Variants in FBXO16 observed in about 807,000 individuals in gnomAD.
FBXO16 encodes the protein F-box only protein 16.
A neutral mutation model predicts 41.0 loss-of-function variants in FBXO16; 31 were observed. That is an observed-to-expected ratio of 0.76 (90% CI 0.57 to 1.02). The LOEUF (loss-of-function observed/expected upper bound fraction) is 1.02. Ranked by LOEUF, FBXO16 falls within the 50% of genes least tolerant of loss-of-function variation. FBXO16 has a pLI of 0.00. For synonymous variants in FBXO16, 133 were observed against 117.8 expected (o/e 1.13, Z -0.84); for missense variants, 361 against 346.2 (o/e 1.04, Z -0.34).
At chr8:28,480,104 T>G (rs1170813557) in intron 2 of FBXO16, among the ~76,000 whole-genome samples, 1 of 152,146 alleles carries the variant, frequency 6.6e-6, no homozygotes, top group Non-Finnish European at 1.5e-5. Context: ...TCTCTCTCCC[T>G]CTTTCTCTGC....
chr8:28,478,845 G>A (rs557616580), intron 2 of FBXO16, among the ~76,000 whole-genome samples: 142 of 141,300 alleles, frequency 1.0e-3, no homozygotes, highest in Non-Finnish European at 1.8e-3. Flanking sequence ...AAAAAAAATT[G>A]TAATCCCCTA....
chr8:28,452,356 T>C lies in FBXO16; in HGVS notation c.628A>G (p.Asn210Asp). The part of the protein sequence containing the change: ...RSSSSLRKKN[N>D]SGEKALPPWR... ...GGTGGAAGTGCTTTCTCCCCTGAGT[T>C]ATTCTTCTTTCTTAAAGAGGAAGAG... Residue 210 changes from asparagine (N) to aspartate (D), a missense_variant, in exon 6 of 9, where the codon AAC (asparagine) becomes GAC (aspartate). Transcript: ENST00000380254. The C allele has an allele frequency of 6.2e-7, 1 of 1,614,242 alleles. No individual in the cohort carries two copies. The highest frequency in any genetic ancestry group is 8.5e-7 in the Non-Finnish European group (1 of 1,180,048).
At chr8:28,489,862 T>G (rs978057712) in intron 1 of FBXO16, among the ~76,000 whole-genome samples, 3 of 152,134 alleles carry the variant, frequency 2.0e-5, no homozygotes, top group African/African-American at 7.2e-5. Flanking sequence ...CATTGTAATA[T>G]CATCAGACAA....
chr8:28,475,608 G>C (rs951024153), intron 2 of FBXO16, among the ~76,000 whole-genome samples: 1 of 152,142 alleles, frequency 6.6e-6, no homozygotes, highest in Non-Finnish European at 1.5e-5. Flanking sequence ...TGATGTCCAG[G>C]GATTTCTCTC....
chr8:28,445,632 TC>T (rs79868098), intron 7 of FBXO16, among the ~76,000 whole-genome samples: 91,021 of 151,986 alleles, frequency 0.6, 27,964 homozygotes, highest in African/African-American at 0.72. Context: ...TGCTCTAAGC[TC>T]CCCCGTTCCC....
At chr8:28,448,340 C>CA (rs56323338) in intron 6 of FBXO16, among the ~76,000 whole-genome samples, 4,053 of 49,926 alleles carry the variant, frequency 0.081, 111 homozygotes, top group African/African-American at 0.15. Context: ...GACCCTAAAT[C>CA]AAAAAAAAAA....
intron 7 of FBXO16, among the ~76,000 whole-genome samples, chr8:28,442,935 C>G (rs563158187): frequency 2.1e-4 from 32 of 152,130 alleles, no homozygotes; most frequent in African/African-American, 7.5e-4. Context: ...TCTGAAGGCT[C>G]TAAGTAATGA....
chr8:28,462,416 C>T (rs1803151133), intron 4 of FBXO16, among the ~76,000 whole-genome samples: 1 of 151,720 alleles, frequency 6.6e-6, no homozygotes, highest in African/African-American at 2.4e-5. Context: ...GTAGCTGGGA[C>T]TACAGGCGCC....
chr8:28,446,440 T>C (rs931768956), intron 7 of FBXO16, among the ~76,000 whole-genome samples: 3 of 151,506 alleles, frequency 2.0e-5, no homozygotes, highest in Admixed American at 6.6e-5. Context: ...CCCAAAGTAC[T>C]GGGATTACAG....
intron 1 of FBXO16, among the ~76,000 whole-genome samples, chr8:28,485,046 A>T (rs1803580898): frequency 1.3e-5 from 2 of 152,228 alleles, no homozygotes; most frequent in Admixed American, 1.3e-4. Flanking sequence ...TCAGGGTTGC[A>T]GGCTTCTGCA....
chr8:28,484,083 C>T (rs968366350), intron 1 of FBXO16, among the ~76,000 whole-genome samples: 3 of 152,118 alleles, frequency 2.0e-5, no homozygotes, highest in African/African-American at 7.2e-5. Flanking sequence ...GTAGTCAGAC[C>T]CAGGTCAGTT....
At chr8:28,440,587 A>G (rs568281907) in intron 7 of FBXO16, among the ~76,000 whole-genome samples, 1 of 152,236 alleles carries the variant, frequency 6.6e-6, no homozygotes, top group African/African-American at 2.4e-5. Flanking sequence ...TGAGTGAAGG[A>G]AAAAAGGTGA....
chr8:28,483,057 G>C (rs900168470), intron 2 of FBXO16, among the ~76,000 whole-genome samples: 4 of 152,140 alleles, frequency 2.6e-5, no homozygotes, highest in African/African-American at 9.7e-5. Context: ...TGGTTCCAGG[G>C]GAGAACAAGT....
chr8:28,447,130 A>G (rs1470864766), intron 7 of FBXO16, 41 bp downstream of exon 7: 4 of 1,529,578 alleles, frequency 2.6e-6, no homozygotes, highest in East Asian at 2.3e-5. Flanking sequence ...GGAGATTTTC[A>G]TTAATGTTAT....
chr8:28,473,775 T>A lies in FBXO16; in HGVS notation c.132A>T (p.Lys44Asn). The A allele has an allele frequency of 6.2e-7, 1 of 1,602,500 alleles. No individual in the cohort carries two copies. Among genetic ancestry groups the A allele is most frequent in the Non-Finnish European group, 8.5e-7 (1 of 1,172,360 alleles). Reference protein sequence around the residue: ...VFEERRALLGKWFDKWTDSQR... With the variant: ...VFEERRALLGNWFDKWTDSQR... ...AATAGTATTTTTAAATGTTTACCCA[T>A]TTGCCAAGCAGGGCTCTTCTTTCTT... Residue 44 changes from lysine to asparagine, a missense_variant, in exon 3 of 9, where the codon AAA (lysine) becomes AAT (asparagine). Coordinates refer to ENST00000380254, the MANE Select transcript of FBXO16 (RefSeq NM_172366.4).
At chr8:28,436,337 G>T (rs1057208109) in intron 7 of FBXO16, among the ~76,000 whole-genome samples, 5 of 152,186 alleles carry the variant, frequency 3.3e-5, no homozygotes, top group African/African-American at 1.2e-4. Context: ...TTTGGCCAAC[G>T]CCTATGAGCA....
intron 3 of FBXO16, among the ~76,000 whole-genome samples, chr8:28,469,005 T>A (rs1803288353): frequency 6.6e-6 from 1 of 151,928 alleles, no homozygotes; most frequent in South Asian, 2.1e-4. Flanking sequence ...TTTTTCTAAT[T>A]AAAAAAAAAT....
intron 7 of FBXO16, among the ~76,000 whole-genome samples, chr8:28,445,159 A>G (rs914830605): frequency 4.6e-5 from 7 of 152,194 alleles, no homozygotes; most frequent in African/African-American, 1.7e-4. Context: ...AATAGTGATT[A>G]TAATTAGTAT....
chr8:28,436,830 C>T (rs192507215), intron 7 of FBXO16, among the ~76,000 whole-genome samples: 1 of 152,316 alleles, frequency 6.6e-6, no homozygotes, highest in Admixed American at 6.5e-5. Context: ...TAGCTCACTG[C>T]AGCCTCGACC....
Sources: allele counts gnomAD v4.1 joint callset (sites outside exome capture counted in the v4.1 genomes callset), GRCh38; gene constraint gnomAD v4.1.1; transcripts MANE v1.5; gene names NCBI Gene and HGNC (gene_info 2026-07-23, HGNC 2026-07-21).